Variants in SMC6 observed in about 807,000 individuals in gnomAD.
SMC6 encodes structural maintenance of chromosomes 6.
SMC6 carries 79 observed loss-of-function variants against 142.2 expected under a neutral mutation model. The ratio of observed to expected loss-of-function variants is 0.56; its 90% confidence interval spans 0.46 to 0.67. SMC6 has a LOEUF of 0.67. SMC6 is among the 30% of genes least tolerant of loss of function. The probability of loss-of-function intolerance (pLI) is 0.00; values close to 1 mark genes in which losing one functional copy is unlikely to be tolerated. For missense variants in SMC6, 1,072 were observed against 1,284.0 expected, an observed-to-expected ratio of 0.83 and a Z score of 2.52; for synonymous variants, 411 against 412.4, an observed-to-expected ratio of 1.00 and a Z score of 0.04.
chr2:17,748,396 C>T (rs1236443973), intron 2 of SMC6, among the ~76,000 whole-genome samples: 3 of 152,068 alleles, frequency 2.0e-5, no homozygotes, highest in African/African-American at 7.2e-5. Context: ...ATTATGAAGT[C>T]GAATACCATT....
chr2:17,707,988 G>GTA (rs1226693127), intron 17 of SMC6, among the ~76,000 whole-genome samples: 8 of 99,440 alleles, frequency 8.0e-5, no homozygotes, highest in South Asian at 2.4e-4. Flanking sequence ...ATATGTATAT[G>GTA]TATATATATA....
intron 26 of SMC6, 84 bp from the exon 27 acceptor site, chr2:17,666,601 T>C: frequency 1.1e-6 from 1 of 926,230 alleles, no homozygotes; most frequent in Non-Finnish European, 1.7e-6. Flanking sequence ...TGATACAAGC[T>C]CCTGGATTTT....
At chr2:17,708,562 T>C (rs568506274) in intron 17 of SMC6, 77 bp downstream of exon 17, 1 of 662,006 alleles carries the variant, frequency 1.5e-6, no homozygotes, top group East Asian at 3.4e-5. Context: ...AAAAGGGGAA[T>C]AGGAATTTAT....
intron 20 of SMC6, 56 bp downstream of exon 20, chr2:17,701,773 C>T (rs34102841): frequency 5.6e-6 from 6 of 1,074,916 alleles, no homozygotes; most frequent in Non-Finnish European, 8.2e-6. Context: ...TGCCATTAAC[C>T]TAAATGGTGG....
chr2:17,736,773 G>A (rs1379838956), intron 5 of SMC6, among the ~76,000 whole-genome samples: 2 of 151,928 alleles, frequency 1.3e-5, no homozygotes, highest in Non-Finnish European at 2.9e-5. Context: ...TTGGGAGGGT[G>A]AGGCATGAGA....
At chr2:17,722,663 A>C (rs892479909) in intron 9 of SMC6, among the ~76,000 whole-genome samples, 1 of 152,152 alleles carries the variant, frequency 6.6e-6, no homozygotes, top group African/African-American at 2.4e-5. Flanking sequence ...AAATACAGTG[A>C]GTTTTGTCAA....
At chr2:17,668,371 A>G (rs1161430097) in intron 26 of SMC6, among the ~76,000 whole-genome samples, 2 of 152,222 alleles carry the variant, frequency 1.3e-5, no homozygotes, top group African/African-American at 4.8e-5. Flanking sequence ...ACTCACAGGT[A>G]TAAATTCTGA....
chr2:17,679,229 T>A (rs1667134393), intron 24 of SMC6: 4 of 324,456 alleles, frequency 1.2e-5, no homozygotes, highest in Middle Eastern at 9.3e-4. Flanking sequence ...ACATTTAATA[T>A]AACCCATTAT....
intron 9 of SMC6, among the ~76,000 whole-genome samples, chr2:17,721,817 T>G (rs560729397): frequency 6.6e-6 from 1 of 151,890 alleles, no homozygotes; most frequent in Non-Finnish European, 1.5e-5. Flanking sequence ...TGCCTCAGCC[T>G]CCCAAGTAGC....
chr2:17,668,930 G>A (rs1666629437), intron 26 of SMC6, among the ~76,000 whole-genome samples: 1 of 152,176 alleles, frequency 6.6e-6, no homozygotes. Flanking sequence ...CAGATCAACT[G>A]TAGAAATGTA....
chr2:17,687,007 G>T (rs568404889), intron 23 of SMC6, among the ~76,000 whole-genome samples: 10 of 152,240 alleles, frequency 6.6e-5, no homozygotes, highest in African/African-American at 2.2e-4. Flanking sequence ...CTATCTCCAA[G>T]ATATCTCATC....
intron 16 of SMC6, among the ~76,000 whole-genome samples, chr2:17,711,674 A>T (rs946050094): frequency 6.6e-6 from 1 of 152,158 alleles, no homozygotes; most frequent in Non-Finnish European, 1.5e-5. Flanking sequence ...CCTGGAGTGC[A>T]GTGGCACGAT....
chr2:17,685,667 G>A (rs1041990265), intron 23 of SMC6, among the ~76,000 whole-genome samples: 85 of 151,834 alleles, frequency 5.6e-4, no homozygotes, highest in African/African-American at 1.9e-3. Context: ...TAGGTAATTA[G>A]AACATGTGGA....
At chr2:17,716,695 T>C (rs753815402) in intron 14 of SMC6, 46 bp downstream of exon 14, 3 of 1,565,398 alleles carry the variant, frequency 1.9e-6, no homozygotes, top group South Asian at 1.2e-5. Flanking sequence ...AACTATATGA[T>C]GTAAAAGTAA....
At chr2:17,666,644 T>G in intron 26 of SMC6, 127 bp from the exon 27 acceptor site, 1 of 675,454 alleles carries the variant, frequency 1.5e-6, no homozygotes, top group East Asian at 2.7e-5. Context: ...TTATCTATGA[T>G]GTCCAAGAAA....
At position 17,678,915 on chromosome 2, in the gene SMC6, G is replaced by T; in HGVS notation, c.2854C>A (p.Arg952=). The T allele has an allele frequency of 6.2e-7, 1 of 1,612,294 alleles. No homozygotes were observed. The highest frequency in any genetic ancestry group is 1.7e-4 in the Middle Eastern group (1 of 6,044). Residue 952 remains arginine, a synonymous_variant, in exon 25 of 28, where the codon CGG becomes AGG. Transcript: ENST00000448223. ...KLYFDNLLSQ[R]AYCGKMNFDH... is the part of the protein sequence containing the mutation. ...AAATTCATTTTTCCACAATAGGCCCGCTGAGATAGTAAGTTGTCAAAGTAT... is the reference window on the plus strand; with the variant it reads ...AAATTCATTTTTCCACAATAGGCCCTCTGAGATAGTAAGTTGTCAAAGTAT...
intron 21 of SMC6, 108 bp downstream of exon 21, chr2:17,700,100 C>G: frequency 1.6e-6 from 1 of 617,372 alleles, no homozygotes; most frequent in Non-Finnish European, 2.6e-6. Context: ...AATTTTTATG[C>G]TATTTACATT....
In SMC6 at chr2:17,709,957, A is replaced by G. The variant is rs1464653377; in HGVS notation, c.1731-1204T>C. ...GCAGATCAGGGAGGGAAGTGTTTCCAGAGACAGGATAAGAAAGATGGTGAG... is the reference window on the plus strand; with the variant it reads ...GCAGATCAGGGAGGGAAGTGTTTCCGGAGACAGGATAAGAAAGATGGTGAG... On this transcript the variant is annotated intron_variant, in intron 16 of 27. Transcript: ENST00000448223. Among the ~76,000 whole-genome samples the G allele has an allele frequency of 3.3e-5, 5 of 152,216 alleles. No homozygotes were observed. The East Asian group carries it at 9.6e-4, about 29-fold the overall frequency.
chr2:17,710,604 T>C (rs1294294499), intron 16 of SMC6, among the ~76,000 whole-genome samples: 2 of 151,748 alleles, frequency 1.3e-5, no homozygotes, highest in African/African-American at 2.4e-5. Flanking sequence ...CCTAGAGAAT[T>C]AGGAAAATGA....
Sources: gnomAD v4.1 joint callset for allele counts (sites outside exome capture counted in the v4.1 genomes callset) on GRCh38, gnomAD v4.1.1 for gene constraint, MANE v1.5 for transcripts, NCBI Gene and HGNC (gene_info 2026-07-23, HGNC 2026-07-21) for gene names.